NUP35: variants seen among roughly 807,000 people sequenced by gnomAD.
NUP35 encodes nucleoporin NUP35.
In NUP35, 25 loss-of-function variants were observed where a neutral mutation model predicts 41.5. That is an observed-to-expected ratio of 0.60 (90% CI 0.44 to 0.84). The LOEUF is 0.84. Ranked by LOEUF, NUP35 falls within the 40% of genes least tolerant of loss-of-function variation. NUP35 has a pLI of 0.00. For missense variants in NUP35, 396 were observed against 396.6 expected, an observed-to-expected ratio of 1.00 and a Z score of 0.01; for synonymous variants, 149 against 130.7, an observed-to-expected ratio of 1.14 and a Z score of -0.96.
At chr2:183,155,917 A>G (rs1411958402) in intron 5 of NUP35, among the ~76,000 whole-genome samples, 16 of 152,152 alleles carry the variant, frequency 1.1e-4, no homozygotes, top group Admixed American at 1.0e-3. Context: ...ATAACCCTCT[A>G]TGACTTTAAT....
chr2:183,129,858 T>G (rs1325980111), intron 2 of NUP35, among the ~76,000 whole-genome samples: 3 of 152,226 alleles, frequency 2.0e-5, no homozygotes, highest in Admixed American at 1.3e-4. Flanking sequence ...TGTTCTCTGA[T>G]CGATAAAGAC....
chr2:183,145,086 A>G (rs905780420), intron 4 of NUP35, among the ~76,000 whole-genome samples: 4 of 152,188 alleles, frequency 2.6e-5, no homozygotes, highest in African/African-American at 9.6e-5. Flanking sequence ...TACTGTCTTC[A>G]GTTTGTTAAT....
At chr2:183,148,448 T>A (rs1333650885) in intron 4 of NUP35, among the ~76,000 whole-genome samples, 1 of 152,206 alleles carries the variant, frequency 6.6e-6, no homozygotes, top group African/African-American at 2.4e-5. Context: ...CTCTTTTCTC[T>A]GCATCCTCGC....
chr2:183,145,946 C>G (rs1376125836), intron 4 of NUP35, among the ~76,000 whole-genome samples: 1 of 152,126 alleles, frequency 6.6e-6, no homozygotes, highest in Non-Finnish European at 1.5e-5. Flanking sequence ...TTAAGAATTT[C>G]AAAAATCTGC....
At chr2:183,134,131 T>C (rs1298064773) in intron 4 of NUP35, among the ~76,000 whole-genome samples, 1 of 152,248 alleles carries the variant, frequency 6.6e-6, no homozygotes, top group East Asian at 1.9e-4. Flanking sequence ...AGTTTTTCTT[T>C]AAGATTAATG....
chr2:183,131,679 A>G lies in NUP35; in HGVS notation c.339+1134A>G, dbSNP rs190539379. ...TTATTGAGATACACTTTAAGTATAA[A>G]ATACACACCAGAGTTTGAAGACTTA... On this transcript the variant is annotated intron_variant, in intron 3 of 8. Coordinates refer to ENST00000295119, the MANE Select transcript of NUP35 (RefSeq NM_138285.5). 4.5e-4 allele frequency among the ~76,000 whole-genome samples: 68 copies of G among 152,354 alleles called. 1 individual carries two copies. The highest frequency in any genetic ancestry group is 9.1e-4 in the Non-Finnish European group (62 of 68,034).
At chr2:183,159,703 A>G in intron 8 of NUP35, 51 bp downstream of exon 8, 2 of 1,398,728 alleles carry the variant, frequency 1.4e-6, no homozygotes, top group Non-Finnish European at 2.0e-6. Flanking sequence ...CTGAGTGCAT[A>G]GCATGCTTAA....
chr2:183,136,795 G>C (rs893869048), intron 4 of NUP35, among the ~76,000 whole-genome samples: 1 of 152,134 alleles, frequency 6.6e-6, no homozygotes, highest in Non-Finnish European at 1.5e-5. Context: ...CAGAAATCTT[G>C]GAGGCCTCTT....
intron 4 of NUP35, among the ~76,000 whole-genome samples, chr2:183,136,219 T>C (rs1684870436): frequency 6.6e-6 from 1 of 152,240 alleles, no homozygotes; most frequent in Admixed American, 6.5e-5. Flanking sequence ...GCACCTGACT[T>C]GTTCCAAAAT....
chr2:183,141,921 C>T (rs1010838084), intron 4 of NUP35, among the ~76,000 whole-genome samples: 4 of 152,124 alleles, frequency 2.6e-5, no homozygotes, highest in Admixed American at 2.6e-4. Flanking sequence ...TGGTGAAGAA[C>T]ATATTTAAGT....
intron 4 of NUP35, among the ~76,000 whole-genome samples, chr2:183,138,260 TATATA>T (rs1659978389): frequency 2.1e-5 from 1 of 48,158 alleles, no homozygotes; most frequent in Non-Finnish European, 4.5e-5. Context: ...TATATATATA[TATATA>T]TATATTTTTT....
chr2:183,139,816 C>T (rs777928120), intron 4 of NUP35, among the ~76,000 whole-genome samples: 14 of 152,178 alleles, frequency 9.2e-5, no homozygotes, highest in Non-Finnish European at 1.6e-4. Context: ...ACCTTGCCAA[C>T]AACATAATTT....
upstream of NUP35, chr2:183,124,401 C>A (rs1335272846): frequency 6.2e-7 from 1 of 1,613,858 alleles, no homozygotes; most frequent in African/African-American, 1.3e-5. Flanking sequence ...GGAGCGTTTC[C>A]GCCATTTTTG....
At chr2:183,129,867 A>C (rs927461547) in intron 2 of NUP35, among the ~76,000 whole-genome samples, 11 of 152,218 alleles carry the variant, frequency 7.2e-5, no homozygotes, top group South Asian at 2.1e-4. Context: ...ATCGATAAAG[A>C]CATCTTTATG....
chr2:183,146,490 C>T (rs2105590232), intron 4 of NUP35, among the ~76,000 whole-genome samples: 1 of 152,262 alleles, frequency 6.6e-6, no homozygotes, highest in South Asian at 2.1e-4. Flanking sequence ...ATTTTGAGTT[C>T]TACAAATCTC....
intron 3 of NUP35, among the ~76,000 whole-genome samples, chr2:183,132,243 A>G (rs1684721644): frequency 6.6e-6 from 1 of 151,932 alleles, no homozygotes; most frequent in African/African-American, 2.4e-5. Flanking sequence ...GGTGGTCTTG[A>G]ACTCCTGAGC....
chr2:183,159,629 A>G lies in NUP35; in HGVS notation c.880A>G (p.Lys294Glu), dbSNP rs1190725721. 2 of 1,613,010 alleles carry G rather than the reference A, an allele frequency of 1.2e-6. No individual in the cohort carries two copies. The highest frequency in any genetic ancestry group is 1.7e-6 in the Non-Finnish European group (2 of 1,179,528). The part of the protein sequence containing the change: ...STMRPLATAY[K>E]ASTSDYQVIS... ...CATGAGACCTCTTGCTACAGCATAC[A>G]AAGCCTCTACTAGTGATTATCAGGT... is the stretch of plus-strand genomic sequence containing the variant. Residue 294 changes from lysine to glutamate, a missense_variant, in exon 8 of 9, where the codon AAA (lysine) becomes GAA (glutamate). Transcript: ENST00000295119.
chr2:183,145,930 A>G (rs11895567), intron 4 of NUP35, among the ~76,000 whole-genome samples: 246 of 152,296 alleles, frequency 1.6e-3, no homozygotes, highest in African/African-American at 5.7e-3. Context: ...GAAAAAATAT[A>G]ATCACTTAAG....
upstream of NUP35, among the ~76,000 whole-genome samples, chr2:183,121,456 C>A (rs1559138832): frequency 6.6e-6 from 1 of 151,550 alleles, no homozygotes; most frequent in Non-Finnish European, 1.5e-5. Context: ...AAGGAAAGAG[C>A]CTGTTGAAAG....
Sources: gnomAD v4.1 joint callset for allele counts (sites outside exome capture counted in the v4.1 genomes callset) on GRCh38, gnomAD v4.1.1 for gene constraint, MANE v1.5 for transcripts, NCBI Gene and HGNC (gene_info 2026-07-23, HGNC 2026-07-21) for gene names.